The following DOK5 variants were observed in gnomAD, a reference collection of about 807,000 sequenced individuals.
DOK5 encodes downstream of tyrosine kinase 5.
Under a neutral mutation model 43.3 loss-of-function variants are expected in DOK5, and 27 were observed. The ratio of observed to expected loss-of-function variants is 0.62; its 90% CI spans 0.46 to 0.86. The LOEUF is 0.86. DOK5 is among the 40% of genes least tolerant of loss of function. DOK5 has a pLI of 0.00. For missense variants in DOK5, 373 were observed against 392.9 expected (o/e 0.95, Z 0.43); for synonymous variants, 146 against 140.1 (o/e 1.04, Z -0.30).
At chr20:54,630,771 G>A (rs6023431) in intron 6 of DOK5, among the ~76,000 whole-genome samples, 16,659 of 152,186 alleles carry the variant, frequency 0.11, 1,147 homozygotes, top group African/African-American at 0.19. Context: ...AAATGAAATT[G>A]CCAACTCATC....
intron 6 of DOK5, among the ~76,000 whole-genome samples, chr20:54,634,120 A>G (rs1424211581): frequency 1.3e-5 from 2 of 152,206 alleles, no homozygotes; most frequent in Non-Finnish European, 2.9e-5. Flanking sequence ...TATGGCAGAC[A>G]GTTGTTTTTC....
In DOK5 at chr20:54,613,759, C is replaced by G. The variant is rs183322995; in HGVS notation, c.735+3236C>G. On this transcript the variant is annotated intron_variant, in intron 6 of 7. Coordinates refer to ENST00000262593, the MANE Select transcript of DOK5 (RefSeq NM_018431.5). ...CTGTAATCCCAATATTTTAGGAGGC[C>G]TAGGCAGGAGGATCACTTGAGACCA... is the stretch of plus-strand genomic sequence containing the variant. Among the ~76,000 whole-genome samples, 20 of 152,182 alleles carry G rather than the reference C, an allele frequency of 1.3e-4. No individual in the cohort carries two copies. In the East Asian group the frequency reaches 3.7e-3, roughly 28 times the overall value.
chr20:54,650,396 T>C lies in DOK5; in HGVS notation c.857-19T>C, dbSNP rs1272787076. 1 of 1,613,244 alleles carries C rather than the reference T, an allele frequency of 6.2e-7. No homozygotes were observed. The highest frequency in any genetic ancestry group is 1.1e-5 in the South Asian group (1 of 90,886). ...TTTCTTGAAATGTAACTGTTGATTT[T>C]AAATTCTTTTTGGAAAAGATGTTTC... On this transcript the variant is annotated intron_variant, in intron 7 of 7. Coordinates refer to ENST00000262593, the MANE Select transcript of DOK5 (RefSeq NM_018431.5).
chr20:54,638,972 C>T (rs562509963), intron 6 of DOK5, among the ~76,000 whole-genome samples: 3 of 152,162 alleles, frequency 2.0e-5, no homozygotes, highest in African/African-American at 4.8e-5. Flanking sequence ...GGAGCCACTG[C>T]GCCCAGCCAC....
chr20:54,516,629 A>G (rs980618946), intron 1 of DOK5, among the ~76,000 whole-genome samples: 5 of 152,180 alleles, frequency 3.3e-5, no homozygotes, highest in African/African-American at 1.2e-4. Flanking sequence ...GGTGATGGGA[A>G]TCCAACTCTG....
chr20:54,650,197 A>T (rs1373921096), intron 7 of DOK5, among the ~76,000 whole-genome samples: 1 of 152,246 alleles, frequency 6.6e-6, no homozygotes, highest in Non-Finnish European at 1.5e-5. Flanking sequence ...ATAATTGCTA[A>T]TGGACTGACC....
At chr20:54,635,247 T>C (rs115412503) in intron 6 of DOK5, among the ~76,000 whole-genome samples, 1,830 of 152,320 alleles carry the variant, frequency 0.012, 31 homozygotes, top group African/African-American at 0.042. Context: ...ATATATTATT[T>C]GACATATTTT....
chr20:54,587,198 T>C (rs573159649), intron 2 of DOK5, among the ~76,000 whole-genome samples: 7 of 152,236 alleles, frequency 4.6e-5, no homozygotes, highest in Admixed American at 1.3e-4. Context: ...GAGAATAAGA[T>C]ACATGGTGCT....
At chr20:54,595,100 G>A (rs534877198) in intron 5 of DOK5, among the ~76,000 whole-genome samples, 66 of 152,270 alleles carry the variant, frequency 4.3e-4, no homozygotes, top group African/African-American at 1.5e-3. Flanking sequence ...CCAGCACTTT[G>A]GGAGGCCAAG....
intron 5 of DOK5, among the ~76,000 whole-genome samples, chr20:54,604,333 C>A (rs1015014259): frequency 2.0e-5 from 3 of 151,456 alleles, no homozygotes; most frequent in African/African-American, 7.3e-5. Context: ...ATTTTATATC[C>A]CTCTCTGTCA....
chr20:54,642,549 C>CAAAAAAAAAA (rs66463305), intron 6 of DOK5, among the ~76,000 whole-genome samples: 1,639 of 92,214 alleles, frequency 0.018, no homozygotes, highest in East Asian at 0.034. Context: ...ACTAAAAATA[C>CAAAAAAAAAA]AAAAAAAAAA....
chr20:54,481,900 A>C (rs1196183214), intron 1 of DOK5, among the ~76,000 whole-genome samples: 1 of 152,218 alleles, frequency 6.6e-6, no homozygotes, highest in Non-Finnish European at 1.5e-5. Flanking sequence ...AGCTTAACAC[A>C]GTGCTTGACA....
chr20:54,545,877 A>G (rs1448335167), intron 1 of DOK5, among the ~76,000 whole-genome samples: 1 of 152,274 alleles, frequency 6.6e-6, no homozygotes, highest in Non-Finnish European at 1.5e-5. Flanking sequence ...GAAATAGATT[A>G]TCTATAAAGT....
intron 2 of DOK5, among the ~76,000 whole-genome samples, chr20:54,584,797 A>C (rs1176444001): frequency 6.6e-6 from 1 of 150,994 alleles, no homozygotes; most frequent in African/African-American, 2.4e-5. Flanking sequence ...ACACACACAC[A>C]CCTTTTCCAG....
intron 1 of DOK5, among the ~76,000 whole-genome samples, chr20:54,491,673 A>G (rs1462639520): frequency 1.3e-5 from 2 of 152,184 alleles, no homozygotes; most frequent in African/African-American, 4.8e-5. Flanking sequence ...TCTGCACAGG[A>G]AGGGTGACTG....
At chr20:54,575,099 G>A (rs1448893986) in intron 2 of DOK5, among the ~76,000 whole-genome samples, 2 of 152,164 alleles carry the variant, frequency 1.3e-5, no homozygotes, top group African/African-American at 4.8e-5. Context: ...GAAGCACAGG[G>A]AATAGAAAAA....
chr20:54,638,756 T>TC, intron 6 of DOK5, among the ~76,000 whole-genome samples: 1 of 147,104 alleles, frequency 6.8e-6, no homozygotes, highest in Non-Finnish European at 1.5e-5. Flanking sequence ...TCTTTTCTTT[T>TC]TTTTTTTTTT....
chr20:54,488,492 T>C (rs188154685), intron 1 of DOK5, among the ~76,000 whole-genome samples: 1 of 152,318 alleles, frequency 6.6e-6, no homozygotes, highest in East Asian at 1.9e-4. Flanking sequence ...TTTTCTTTAT[T>C]TTGTGCCATT....
chr20:54,646,248 G>GTTTTTTGTTT (rs1979415549), intron 7 of DOK5, among the ~76,000 whole-genome samples: 1 of 79,924 alleles, frequency 1.3e-5, no homozygotes, highest in African/African-American at 5.3e-5. Flanking sequence ...TGGTTATACT[G>GTTTTTTGTTT]TTTTTTTTTT....
Sources: allele counts gnomAD v4.1 joint callset (sites outside exome capture counted in the v4.1 genomes callset), GRCh38; gene constraint gnomAD v4.1.1; transcripts MANE v1.5; gene names NCBI Gene and HGNC (gene_info 2026-07-23, HGNC 2026-07-21).